The following GLB1L2 variants were observed in gnomAD, a reference collection of about 807,000 sequenced individuals.
The protein encoded by GLB1L2 is galactosidase beta 1 like 2, also known as beta-galactosidase-1-like protein 2.
GLB1L2 carries 68 observed loss-of-function variants against 84.1 expected under a neutral mutation model. The ratio of observed to expected loss-of-function variants is 0.81; its 90% CI spans 0.67 to 0.99. GLB1L2 has a LOEUF of 0.99. GLB1L2 is among the 50% of genes least tolerant of loss of function. The probability of loss-of-function intolerance (pLI) is 0.00; values close to 1 mark genes in which losing one functional copy is unlikely to be tolerated. For missense variants in GLB1L2, 762 were observed against 805.6 expected (o/e 0.95, Z 0.66); for synonymous variants, 290 against 318.0 (o/e 0.91, Z 0.94).
chr11:134,358,382 T>C (rs999607891), intron 6 of GLB1L2, among the ~76,000 whole-genome samples: 3 of 152,236 alleles, frequency 2.0e-5, no homozygotes, highest in Non-Finnish European at 2.9e-5. Flanking sequence ...GGACAGTCTG[T>C]GTATGAGCGG....
At chr11:134,374,875 C>A in intron 18 of GLB1L2, 97 bp from the exon 19 acceptor site, 1 of 1,314,126 alleles carries the variant, frequency 7.6e-7, no homozygotes, top group South Asian at 1.3e-5. Flanking sequence ...CAGCCTGGTT[C>A]CCAAACCCTT....
chr11:134,364,406 C>T lies in GLB1L2; in HGVS notation c.804+8C>T, dbSNP rs374794020. 8.7e-5 allele frequency: 140 copies of T among 1,611,692 alleles called. 1 individual carries two copies. Among genetic ancestry groups the T allele is most frequent in the East Asian group, 3.8e-4 (17 of 44,882 alleles). On this transcript the variant is annotated splice_region_variant and intron_variant, in intron 8 of 18. Coordinates refer to ENST00000535456, the MANE Select transcript of GLB1L2 (RefSeq NM_001370461.1). ...TTTCTCTTCAACGTCCAGGTAAGTC[C>T]AGCCCCAGGGAAGCTGCGGCCCGCC...
intron 5 of GLB1L2, among the ~76,000 whole-genome samples, chr11:134,353,521 G>A (rs1943663920): frequency 6.6e-6 from 1 of 152,110 alleles, no homozygotes; most frequent in South Asian, 2.1e-4. Context: ...CTACTTTTGG[G>A]TGGAATGTTG....
chr11:134,366,856 G>A (rs1209811688), intron 8 of GLB1L2, among the ~76,000 whole-genome samples: 1 of 152,082 alleles, frequency 6.6e-6, no homozygotes, highest in African/African-American at 2.4e-5. Flanking sequence ...ACCCAGGGTG[G>A]GGGGGAGGGA....
intron 15 of GLB1L2, 83 bp downstream of exon 15, chr11:134,371,913 A>AT: frequency 2.3e-6 from 3 of 1,294,290 alleles, no homozygotes; most frequent in Non-Finnish European, 3.3e-6. Context: ...GCAGGCCACC[A>AT]GGCCATGGAG....
intron 18 of GLB1L2, 64 bp from the exon 19 acceptor site, chr11:134,374,908 C>T: frequency 4.7e-6 from 7 of 1,504,180 alleles, no homozygotes; most frequent in East Asian, 2.3e-5. Flanking sequence ...TGCCACCTCT[C>T]AGCACCTCCC....
intron 5 of GLB1L2, among the ~76,000 whole-genome samples, chr11:134,354,085 C>T (rs1943671531): frequency 6.6e-6 from 1 of 152,094 alleles, no homozygotes; most frequent in African/African-American, 2.4e-5. Context: ...TTGTTGCTTT[C>T]TGTATGTCTT....
chr11:134,340,669 CAG>C (rs1236279492), intron 1 of GLB1L2, among the ~76,000 whole-genome samples: 1 of 152,218 alleles, frequency 6.6e-6, no homozygotes, highest in African/African-American at 2.4e-5. Context: ...TGTGGGCCAG[CAG>C]AGTTTCTGGG....
At chr11:134,374,863 TC>T in intron 18 of GLB1L2, 108 bp from the exon 19 acceptor site, 4 of 1,239,316 alleles carry the variant, frequency 3.2e-6, no homozygotes, top group Non-Finnish European at 4.7e-6. Flanking sequence ...CCCTGTCCCT[TC>T]CAGCCTGGTT....
chr11:134,364,146 G>T (rs1282191788), intron 7 of GLB1L2, among the ~76,000 whole-genome samples, 182 bp from the exon 8 acceptor site: 1 of 152,186 alleles, frequency 6.6e-6, no homozygotes, highest in African/African-American at 2.4e-5. Flanking sequence ...CTCCCAAAGT[G>T]TTGGGGTTAC....
At chr11:134,364,657 G>A (rs1025684807) in intron 8 of GLB1L2, 3 of 439,530 alleles carry the variant, frequency 6.8e-6, no homozygotes, top group Middle Eastern at 5.8e-4. Context: ...ACTCCTAGAG[G>A]ACTCGACTTT....
rs1943436325 is a variant in GLB1L2, at chr11:134,339,734, G to A, written c.87-3020G>A. Among the ~76,000 whole-genome samples, 1 of 151,960 alleles carries A rather than the reference G, an allele frequency of 6.6e-6. No homozygotes were observed. Among genetic ancestry groups the A allele is most frequent in the Non-Finnish European group, 1.5e-5 (1 of 68,006 alleles). On this transcript the variant is annotated intron_variant, in intron 1 of 18. Coordinates refer to ENST00000535456, the MANE Select transcript of GLB1L2 (RefSeq NM_001370461.1). This position sits in a 1 kb window ranked among gnomAD's most constrained non-coding sequence, Gnocchi z 5.7. Reference sequence around the variant, plus strand: ...GGAGAAGACGCAGATTGGGCTTCTCGAGCTGTAACCTTGGGATTGGTTAGA... The same window carrying A: ...GGAGAAGACGCAGATTGGGCTTCTCAAGCTGTAACCTTGGGATTGGTTAGA...
At chr11:134,371,853 A>C (rs1340483468) in intron 15 of GLB1L2, 23 bp downstream of exon 15, 1 of 1,608,784 alleles carries the variant, frequency 6.2e-7, no homozygotes, top group Admixed American at 1.7e-5. Context: ...ATGTGTCAAA[A>C]GAAGAGTGGC....
At chr11:134,356,508 T>C (rs954820075) in intron 6 of GLB1L2, 115 bp downstream of exon 6, 3 of 682,104 alleles carry the variant, frequency 4.4e-6, no homozygotes, top group Non-Finnish European at 7.7e-6. Context: ...TCCAACATCA[T>C]GTATTAGTGA....
Position 134,375,402 on chromosome 11 carries a change from C to T in GLB1L2, c.*344C>T. The T allele has an allele frequency of 8.1e-6, 2 of 246,004 alleles. No homozygotes were observed. The highest frequency in any genetic ancestry group is 1.1e-4 in the East Asian group (1 of 8,914). 15.2% of individuals were successfully genotyped at this position (246,004 alleles called of 1,614,324 possible). A position where few individuals can be genotyped will look rare whatever the true frequency, so the allele number is the denominator to read the frequency against. On this transcript the variant is annotated 3_prime_UTR_variant, in exon 19 of 19. Coordinates refer to ENST00000535456, the MANE Select transcript of GLB1L2 (RefSeq NM_001370461.1). ...CGTGCCCTTGCACTGGACGTCACAG[C>T]CCTGCGAGCATCTGCTGGACTCAGG...
chr11:134,354,684 T>C (rs930012410), intron 5 of GLB1L2, among the ~76,000 whole-genome samples: 1 of 152,172 alleles, frequency 6.6e-6, no homozygotes. Flanking sequence ...TTTGACTATA[T>C]CATCTCATTG....
At chr11:134,358,058 C>A (rs1407329448) in intron 6 of GLB1L2, among the ~76,000 whole-genome samples, 1 of 152,206 alleles carries the variant, frequency 6.6e-6, no homozygotes, top group Non-Finnish European at 1.5e-5. Flanking sequence ...GAGACCAGAG[C>A]CCCCTCTGCT....
At chr11:134,347,103 C>T (rs916122452) in intron 4 of GLB1L2, 56 of 519,428 alleles carry the variant, frequency 1.1e-4, no homozygotes, top group Non-Finnish European at 1.7e-4. Flanking sequence ...TGAACTTCCA[C>T]CAGGCTGTGT....
chr11:134,356,468 G>T (rs1368956801), intron 6 of GLB1L2, 75 bp downstream of exon 6: 7 of 1,017,594 alleles, frequency 6.9e-6, no homozygotes, highest in Non-Finnish European at 1.1e-5. Flanking sequence ...TGACATGTGG[G>T]TCTAATATTT....
Sources: allele counts gnomAD v4.1 joint callset (sites outside exome capture counted in the v4.1 genomes callset), GRCh38; gene constraint gnomAD v4.1.1; non-coding constraint Gnocchi (gnomAD v3.1); transcripts MANE v1.5; gene names NCBI Gene and HGNC (gene_info 2026-07-23, HGNC 2026-07-21).